Variants in THEMIS observed in about 807,000 individuals in gnomAD.
The protein encoded by THEMIS is protein THEMIS.
Under a neutral mutation model 52.6 loss-of-function variants are expected in THEMIS, and 37 were observed. The ratio of observed to expected loss-of-function variants is 0.70; its 90% CI spans 0.54 to 0.93. THEMIS has a LOEUF of 0.93. Ranked by LOEUF, THEMIS falls within the 40% of genes least tolerant of loss-of-function variation. The pLI, the probability that THEMIS is intolerant of heterozygous loss-of-function variation, is 0.00. For missense variants in THEMIS, 808 were observed against 763.1 expected (o/e 1.06, Z -0.69); for synonymous variants, 292 against 272.7 (o/e 1.07, Z -0.70).
intron 1 of THEMIS, among the ~76,000 whole-genome samples, chr6:127,866,391 T>C (rs1779975923): frequency 6.6e-6 from 1 of 152,000 alleles, no homozygotes; most frequent in Admixed American, 6.6e-5. Context: ...TACTTAATAG[T>C]TTATTTTTGC....
chr6:127,825,279 C>T (rs905101195), intron 3 of THEMIS, among the ~76,000 whole-genome samples: 1 of 152,054 alleles, frequency 6.6e-6, no homozygotes, highest in South Asian at 2.1e-4. Context: ...ATATGAAGCA[C>T]CTAAATATTC....
At chr6:127,703,035 G>GTTTTTTTTTTTTTTTTTTTTTTTTTTT in the THEMIS span, among the ~76,000 whole-genome samples, 2 of 82,382 alleles carry the variant, frequency 2.4e-5, no homozygotes, top group Non-Finnish European at 4.2e-5. Context: ...TTTAGAATGA[G>GTTTTTTTTTTTTTTTTTTTTTTTTTTT]TTTTTTTTTT....
At chr6:127,911,787 T>C (rs180750497) in intron 1 of THEMIS, among the ~76,000 whole-genome samples, 3 of 151,484 alleles carry the variant, frequency 2.0e-5, no homozygotes, top group African/African-American at 7.3e-5. Context: ...AGAAGCCTTA[T>C]GGAGAACTTT....
At chr6:127,798,391 A>C (rs924843734) in intron 4 of THEMIS, among the ~76,000 whole-genome samples, 2 of 152,154 alleles carry the variant, frequency 1.3e-5, no homozygotes, top group African/African-American at 2.4e-5. Context: ...TTTAGGGTAC[A>C]TGTGCACATT....
At chr6:127,796,761 C>A (rs764328608) in intron 4 of THEMIS, among the ~76,000 whole-genome samples, 4 of 152,104 alleles carry the variant, frequency 2.6e-5, no homozygotes, top group African/African-American at 4.8e-5. Flanking sequence ...AGTATATACC[C>A]ATGTTTGGTA....
intron 5 of THEMIS, among the ~76,000 whole-genome samples, chr6:127,717,325 A>G (rs1199873101): frequency 1.3e-5 from 2 of 151,982 alleles, no homozygotes; most frequent in Non-Finnish European, 2.9e-5. Context: ...ATGTAAACCC[A>G]GAAATCTCAG....
downstream of THEMIS, among the ~76,000 whole-genome samples, chr6:127,703,533 C>G (rs1773757299): frequency 6.6e-6 from 1 of 152,064 alleles, no homozygotes; most frequent in South Asian, 2.1e-4. Context: ...GCACTGTTCT[C>G]AAGAAATGAC....
At chr6:127,907,230 A>T (rs920559568) in intron 1 of THEMIS, among the ~76,000 whole-genome samples, 1 of 151,654 alleles carries the variant, frequency 6.6e-6, no homozygotes, top group Non-Finnish European at 1.5e-5. Context: ...TGGATTAACC[A>T]AAAGGTGCCA....
intron 4 of THEMIS, among the ~76,000 whole-genome samples, chr6:127,780,858 C>A (rs868728733): frequency 6.6e-6 from 1 of 152,078 alleles, no homozygotes; most frequent in African/African-American, 2.4e-5. Context: ...GCGAATCTGA[C>A]AATTATGTGT....
intron 4 of THEMIS, among the ~76,000 whole-genome samples, chr6:127,788,973 G>C (rs1204013792): frequency 6.6e-6 from 1 of 152,102 alleles, no homozygotes; most frequent in Admixed American, 6.5e-5. Flanking sequence ...AAAAGAACTA[G>C]AGAAGCATGA....
intron 4 of THEMIS, among the ~76,000 whole-genome samples, chr6:127,729,970 A>G (rs57144765): frequency 0.01 from 1,566 of 152,256 alleles, 24 homozygotes; most frequent in African/African-American, 0.035. Flanking sequence ...ATGTCAAATT[A>G]TTTTTAAAAG....
intron 1 of THEMIS, among the ~76,000 whole-genome samples, chr6:127,879,885 CG>C (rs1780427194): frequency 6.6e-6 from 1 of 152,024 alleles, no homozygotes; most frequent in Admixed American, 6.6e-5. Context: ...CTACCAGCTC[CG>C]GGAAATGCGC....
chr6:127,707,441 C>T (rs1405313307), downstream of THEMIS, among the ~76,000 whole-genome samples: 1 of 152,082 alleles, frequency 6.6e-6, no homozygotes, highest in Non-Finnish European at 1.5e-5. Context: ...TGAGATCATT[C>T]TGGTTCTCAC....
At chr6:127,916,026 T>A (rs1437681534) in intron 1 of THEMIS, among the ~76,000 whole-genome samples, 1 of 151,868 alleles carries the variant, frequency 6.6e-6, no homozygotes, top group East Asian at 1.9e-4. Flanking sequence ...GCAAATTTGT[T>A]TTTTCCCCCT....
chr6:127,703,018 C>T, the THEMIS span, among the ~76,000 whole-genome samples: 3 of 115,844 alleles, frequency 2.6e-5, no homozygotes, highest in South Asian at 2.9e-4. Context: ...GTTGCAAAAA[C>T]AAGACCTTTA....
At chr6:127,743,378 A>G (rs1169302375) in intron 4 of THEMIS, among the ~76,000 whole-genome samples, 1 of 152,160 alleles carries the variant, frequency 6.6e-6, no homozygotes, top group African/African-American at 2.4e-5. Flanking sequence ...TCTGCTTGAC[A>G]TTCAGAAATT....
intron 5 of THEMIS, among the ~76,000 whole-genome samples, chr6:127,710,608 T>G (rs1336813361): frequency 6.6e-6 from 1 of 152,026 alleles, no homozygotes; most frequent in African/African-American, 2.4e-5. Context: ...AGTTAACATG[T>G]ACACATACCT....
intron 5 of THEMIS, among the ~76,000 whole-genome samples, chr6:127,714,638 G>T (rs1187225239): frequency 6.6e-6 from 1 of 151,818 alleles, no homozygotes; most frequent in African/African-American, 2.4e-5. Context: ...TAATTTTAAA[G>T]ATAAGAAAAC....
chr6:127,830,073 T>C, intron 2 of THEMIS, 139 bp from the exon 3 acceptor site: 1 of 658,622 alleles, frequency 1.5e-6, no homozygotes, highest in Non-Finnish European at 2.5e-6. Context: ...GAGATGCTTA[T>C]TTTAATCCAG....
Sources: gnomAD v4.1 joint callset for allele counts (sites outside exome capture counted in the v4.1 genomes callset) on GRCh38, gnomAD v4.1.1 for gene constraint, MANE v1.5 for transcripts, NCBI Gene and HGNC (gene_info 2026-07-23, HGNC 2026-07-21) for gene names.